Variants in KIF26A observed in about 807,000 individuals in gnomAD.
KIF26A encodes the protein kinesin-like protein KIF26A.
A neutral mutation model predicts 126.0 loss-of-function variants in KIF26A; 74 were observed. The ratio of observed to expected loss-of-function variants is 0.59; its 90% CI spans 0.49 to 0.71. The LOEUF (loss-of-function observed/expected upper bound fraction) is 0.71. Ranked by LOEUF, KIF26A falls within the 30% of genes least tolerant of loss-of-function variation. The pLI is 0.00. For synonymous variants in KIF26A, 1,445 were observed against 1,232.7 expected (o/e 1.17, Z -3.61); for missense variants, 2,984 against 2,763.3 (o/e 1.08, Z -1.79).
In KIF26A at chr14:104,176,777, T is replaced by G; in HGVS notation, c.3989T>G (p.Val1330Gly). The G allele has an allele frequency of 6.3e-7, 1 of 1,576,810 alleles. No individual in the cohort carries two copies. Among genetic ancestry groups the G allele is most frequent in the Non-Finnish European group, 8.6e-7 (1 of 1,162,618 alleles). ...VSWGDAPTEVVACSGSLKASP... is the reference protein window; with the variant it reads ...VSWGDAPTEVGACSGSLKASP... ...TGGGGAGATGCTCCCACGGAGGTGG[T>G]GGCCTGCTCGGGGAGCCTGAAGGCC... Residue 1330 changes from valine (V) to glycine (G), a missense_variant, in exon 12 of 15, where the codon GTG (valine) becomes GGG (glycine). Physicochemically the swap from Val to Gly is moderately radical, Grantham distance 109. Coordinates refer to ENST00000423312, the MANE Select transcript of KIF26A (RefSeq NM_015656.2).
Position 104,162,336 on chromosome 14 carries a change from C to T in KIF26A, c.923+4394C>T, listed in dbSNP as rs547927895. On this transcript the variant is annotated intron_variant, in intron 4 of 14. Coordinates refer to ENST00000423312, the MANE Select transcript of KIF26A (RefSeq NM_015656.2). Reference sequence around the variant, plus strand: ...GGCTGATGGAACCACAGAGGACGCCCGGTCCCAGCCTCTGTCTAGGCGGCC... The same window carrying T: ...GGCTGATGGAACCACAGAGGACGCCTGGTCCCAGCCTCTGTCTAGGCGGCC... Among the ~76,000 whole-genome samples the T allele has an allele frequency of 7.2e-5, 11 of 152,286 alleles. No individual in the cohort carries two copies. In the South Asian group the frequency reaches 1.7e-3, roughly 23 times the overall value.
At position 104,178,393 on chromosome 14, in the gene KIF26A, C is replaced by T. The variant is rs550158271; in HGVS notation, c.5111-157C>T. The stretch of plus-strand genomic sequence containing the variant: ...GTGGGCCTGGCTTGGGGTCGGCTTC[C>T]TCCCTGCCCTGGGCAGAGCGCCAGC... On this transcript the variant is annotated intron_variant, in intron 12 of 14. Coordinates refer to ENST00000423312, the MANE Select transcript of KIF26A (RefSeq NM_015656.2). Among the ~76,000 whole-genome samples, 4 of 152,342 alleles carry T rather than the reference C, an allele frequency of 2.6e-5. No individual in the cohort carries two copies. In the East Asian group the frequency reaches 5.8e-4, roughly 22 times the overall value.
chr14:104,166,011 T>C (rs1246627322), intron 4 of KIF26A, among the ~76,000 whole-genome samples: 3 of 152,146 alleles, frequency 2.0e-5, no homozygotes, highest in Non-Finnish European at 4.4e-5. Flanking sequence ...CTCTGCACCT[T>C]CTGGGAGTTC....
intron 4 of KIF26A, among the ~76,000 whole-genome samples, chr14:104,164,907 G>A (rs2037869170): frequency 6.6e-6 from 1 of 151,900 alleles, no homozygotes; most frequent in South Asian, 2.1e-4. Context: ...GTGTCTTTAT[G>A]TGTCTGTCTC....
chr14:104,175,272 G>T lies in KIF26A; in HGVS notation c.2484G>T (p.Lys828Asn). 1.2e-6 allele frequency: 2 copies of T among 1,606,298 alleles called. No homozygotes were observed. ...CCCTGAGCCGCCACCGGCCCTCCAAGGGTCCCCGAGACGCAGACCACTTCC... is the reference window on the plus strand; with the variant it reads ...CCCTGAGCCGCCACCGGCCCTCCAATGGTCCCCGAGACGCAGACCACTTCC... ...IPALSRHRPS[K>N]GPRDADHFRC... Residue 828 changes from lysine to asparagine, a missense_variant, in exon 12 of 15, where the codon AAG becomes AAT. Coordinates refer to ENST00000423312, the MANE Select transcript of KIF26A (RefSeq NM_015656.2).
Position 104,177,408 on chromosome 14 carries a change from C to A in KIF26A, c.4620C>A (p.Ala1540=), listed in dbSNP as rs148588580. The change falls in exon 12 of 15, where the codon GCC becomes GCA. Residue 1540 remains alanine, a synonymous_variant. Coordinates refer to ENST00000423312, the MANE Select transcript of KIF26A (RefSeq NM_015656.2). ...CCGGTCCCAGAGCAGCCCCACGGGC[C>A]GGGCCCAGTGTCGGGGCGAAGGCTG... is the stretch of plus-strand genomic sequence containing the variant. ...PVAGPRAAPR[A]GPSVGAKAGR... 2.0e-6 allele frequency: 3 copies of A among 1,499,980 alleles called. No individual in the cohort carries two copies. The highest frequency in any genetic ancestry group is 2.7e-6 in the Non-Finnish European group (3 of 1,128,648). The allele number at this position is 1,499,980 out of a possible 1,614,324, so 92.9% of individuals were successfully genotyped here.
At chr14:104,157,646 A>C in intron 3 of KIF26A, 109 bp from the exon 4 acceptor site, 2 of 1,173,244 alleles carry the variant, frequency 1.7e-6, no homozygotes, top group Non-Finnish European at 2.3e-6. Context: ...GCCCCCAGGA[A>C]TGTGCTGGGC....
intron 2 of KIF26A, among the ~76,000 whole-genome samples, chr14:104,140,595 G>A (rs1033737613): frequency 1.3e-5 from 2 of 152,160 alleles, no homozygotes; most frequent in Admixed American, 6.5e-5. Flanking sequence ...GCATGGACTC[G>A]TGGAGGGGAG....
At chr14:104,165,188 T>G (rs1317269921) in intron 4 of KIF26A, among the ~76,000 whole-genome samples, 1 of 139,096 alleles carries the variant, frequency 7.2e-6, no homozygotes, top group Non-Finnish European at 1.5e-5. Flanking sequence ...TGTGTTTCTG[T>G]ATGCATGTGT....
intron 4 of KIF26A, among the ~76,000 whole-genome samples, chr14:104,162,600 G>A (rs2037843548): frequency 6.6e-6 from 1 of 152,212 alleles, no homozygotes; most frequent in African/African-American, 2.4e-5. Flanking sequence ...GCTTGGGGGT[G>A]TGGGTGCCGA....
intron 5 of KIF26A, 138 bp from the exon 6 acceptor site, chr14:104,171,585 G>A: frequency 1.4e-6 from 1 of 692,660 alleles, no homozygotes; most frequent in Non-Finnish European, 2.4e-6. Flanking sequence ...CAGGGGCGCG[G>A]TGTCCACATT....
intron 5 of KIF26A, among the ~76,000 whole-genome samples, chr14:104,171,373 C>T (rs2037955043): frequency 6.6e-6 from 1 of 152,262 alleles, no homozygotes; most frequent in Non-Finnish European, 1.5e-5. Flanking sequence ...ATGCTCCTCC[C>T]TCCTGCCCTC....
At chr14:104,141,838 T>C (rs1181046315) in intron 2 of KIF26A, among the ~76,000 whole-genome samples, 2 of 152,200 alleles carry the variant, frequency 1.3e-5, no homozygotes, top group African/African-American at 4.8e-5. Flanking sequence ...AGGAGGCAGC[T>C]CCCCTGAGCA....
chr14:104,162,276 G>T (rs775149233), intron 4 of KIF26A, among the ~76,000 whole-genome samples: 5 of 152,176 alleles, frequency 3.3e-5, no homozygotes. Context: ...ATTGTGGGGT[G>T]GAGATGTGGG....
At position 104,176,533 on chromosome 14, in the gene KIF26A, G is replaced by C; in HGVS notation, c.3745G>C (p.Glu1249Gln). 1 of 1,605,076 alleles carries C rather than the reference G, an allele frequency of 6.2e-7. No individual in the cohort carries two copies. The highest frequency in any genetic ancestry group is 8.5e-7 in the Non-Finnish European group (1 of 1,179,694). Residue 1249 changes from glutamate to glutamine, a missense_variant, in exon 12 of 15, where the codon GAG (glutamate) becomes CAG (glutamine). Coordinates refer to ENST00000423312, the MANE Select transcript of KIF26A (RefSeq NM_015656.2). ...FEDPWLLRVGECDTQAASAGR... is the reference protein window; with the variant it reads ...FEDPWLLRVGQCDTQAASAGR... ...GGACCCATGGCTGCTCCGGGTAGGG[G>C]AGTGTGATACCCAGGCAGCTTCTGC...
rs563000039 is a variant in KIF26A at position 104,152,799 on chromosome 14, C to G, written c.735+338C>G. ...GGCACCGTGTGTAGATCGGGGCTCA[C>G]GAGGCAGATGGAGTAGGAGGGCCCT... On this transcript the variant is annotated intron_variant, in intron 3 of 14. Coordinates refer to ENST00000423312, the MANE Select transcript of KIF26A (RefSeq NM_015656.2). This position sits in a 1 kb window ranked among gnomAD's most constrained non-coding sequence, Gnocchi z 5.9. 6.7e-6 allele frequency among the ~76,000 whole-genome samples: 1 copy of G among 149,576 alleles called. No individual in the cohort carries two copies. The highest frequency in any genetic ancestry group is 1.5e-5 in the Non-Finnish European group (1 of 66,974).
At chr14:104,155,832 G>C (rs987819394) in intron 3 of KIF26A, among the ~76,000 whole-genome samples, 8 of 152,182 alleles carry the variant, frequency 5.3e-5, no homozygotes, top group African/African-American at 1.9e-4. Context: ...TGGCTGGCCT[G>C]AGATGGGGGA....
At chr14:104,164,428 C>T (rs1409861346) in intron 4 of KIF26A, among the ~76,000 whole-genome samples, 2 of 152,100 alleles carry the variant, frequency 1.3e-5, no homozygotes, top group Non-Finnish European at 2.9e-5. Flanking sequence ...ACCCCTGTGG[C>T]GTCCTGGTGT....
Position 104,175,412 on chromosome 14 carries a change from G to A in KIF26A, c.2624G>A (p.Gly875Asp). ...DGAQASPARG[G>D]RKPSPPEAAS... ...GCTCAGGCCAGCCCCGCCCGAGGGG[G>A]CCGGAAGCCCTCGCCACCAGAGGCT... The change falls in exon 12 of 15, where the codon GGC (glycine) becomes GAC (aspartate). Residue 875 changes from glycine to aspartate, a missense_variant. Transcript: ENST00000423312. 1 of 1,594,768 alleles carries A rather than the reference G, an allele frequency of 6.3e-7. No individual in the cohort carries two copies. Among genetic ancestry groups the A allele is most frequent in the Non-Finnish European group, 8.5e-7 (1 of 1,176,778 alleles).
Sources: allele counts gnomAD v4.1 joint callset (sites outside exome capture counted in the v4.1 genomes callset), GRCh38; gene constraint gnomAD v4.1.1; non-coding constraint Gnocchi (gnomAD v3.1); transcripts MANE v1.5; gene names NCBI Gene and HGNC (gene_info 2026-07-23, HGNC 2026-07-21).